SUPT16H: variants seen among roughly 807,000 people sequenced by gnomAD.
SUPT16H encodes FACT complex subunit SPT16.
In SUPT16H, 24 loss-of-function variants were observed where a neutral mutation model predicts 136.2. That is an observed-to-expected ratio of 0.18 (90% CI 0.13 to 0.25). The LOEUF is 0.25. SUPT16H is among the 10% of genes least tolerant of loss of function. SUPT16H has a pLI of 1.00. For missense variants in SUPT16H, 623 were observed against 1,270.2 expected (o/e 0.49, Z 7.74); for synonymous variants, 415 against 428.2 (o/e 0.97, Z 0.38).
intron 22 of SUPT16H, chr14:21,354,884 G>C (rs941894416): frequency 5.3e-6 from 1 of 190,328 alleles, no homozygotes; most frequent in Non-Finnish European, 1.1e-5. Flanking sequence ...GAGCCACCGC[G>C]CCCTGCCTGG....
At chr14:21,376,331 T>A (rs1886900770) in intron 1 of SUPT16H, among the ~76,000 whole-genome samples, 1 of 152,124 alleles carries the variant, frequency 6.6e-6, no homozygotes, top group Non-Finnish European at 1.5e-5. Context: ...CTTCAATAGC[T>A]CTATAAAGCC....
chr14:21,372,316 G>A (rs1333011824), intron 2 of SUPT16H: 2 of 385,588 alleles, frequency 5.2e-6, no homozygotes, highest in African/African-American at 2.1e-5. Context: ...TCAGTTAAAC[G>A]ATTTGTGTTT....
intron 3 of SUPT16H, among the ~76,000 whole-genome samples, chr14:21,370,797 G>A: frequency 7.1e-6 from 1 of 140,928 alleles, no homozygotes; most frequent in East Asian, 2.1e-4. Context: ...TTTTTTTTTT[G>A]AGACAGACTT....
intron 3 of SUPT16H, among the ~76,000 whole-genome samples, chr14:21,370,781 ATTT>A (rs113154650): frequency 1.4e-5 from 2 of 139,448 alleles, no homozygotes; most frequent in African/African-American, 5.3e-5. Flanking sequence ...GCCTGGATAA[ATTT>A]TTTTTTTTTT....
intron 10 of SUPT16H, among the ~76,000 whole-genome samples, chr14:21,363,867 C>T (rs532955239): frequency 1.3e-5 from 2 of 152,122 alleles, no homozygotes; most frequent in Admixed American, 6.5e-5. Flanking sequence ...TTAGTAGGGC[C>T]GGGGATTCAC....
chr14:21,363,643 T>C (rs1214083186), intron 10 of SUPT16H, 140 bp from the exon 11 acceptor site: 2 of 701,200 alleles, frequency 2.9e-6, no homozygotes, highest in Non-Finnish European at 4.7e-6. Flanking sequence ...TTTATCCTTC[T>C]AACCTCTAAC....
At chr14:21,359,346 T>G in intron 19 of SUPT16H, 138 bp downstream of exon 19, 1 of 1,215,612 alleles carries the variant, frequency 8.2e-7, no homozygotes, top group African/African-American at 1.5e-5. Context: ...TCTGCCCATG[T>G]TGGCCTCCCA....
chr14:21,364,489 T>C (rs965353701), intron 10 of SUPT16H, among the ~76,000 whole-genome samples: 6 of 152,202 alleles, frequency 3.9e-5, no homozygotes, highest in African/African-American at 4.8e-5. Context: ...AATCACTAAA[T>C]TGTACATATC....
chr14:21,369,985 T>C, intron 4 of SUPT16H, 89 bp from the exon 5 acceptor site: 1 of 1,454,372 alleles, frequency 6.9e-7, no homozygotes, highest in Non-Finnish European at 9.5e-7. Flanking sequence ...ACCAGTGATA[T>C]TTCTGTTATT....
chr14:21,378,816 T>C (rs1192081482), intron 1 of SUPT16H, among the ~76,000 whole-genome samples: 1 of 152,218 alleles, frequency 6.6e-6, no homozygotes, highest in East Asian at 1.9e-4. Context: ...TTAAGGCTTT[T>C]ATTAGAACTA....
chr14:21,357,902 C>A, intron 21 of SUPT16H, 25 bp downstream of exon 21: 1 of 1,604,692 alleles, frequency 6.2e-7, no homozygotes, highest in Non-Finnish European at 8.5e-7. Context: ...AATTTTCTTA[C>A]TAAAAGAAAG....
chr14:21,380,469 G>C (rs1886999991), intron 1 of SUPT16H, among the ~76,000 whole-genome samples: 2 of 151,896 alleles, frequency 1.3e-5, no homozygotes, highest in Admixed American at 6.6e-5. Context: ...GAACATAGCT[G>C]TTGAATCTTA....
chr14:21,363,126 C>T lies in SUPT16H; in HGVS notation c.1419G>A (p.Lys473=), dbSNP rs1224979843. ...RTRNEMTAEE[K]RRAHQKELAA... ...CTAGTTCTTTCTGATGTGCTCTTCG[C>T]TTCTCTTCTGCAGTCATTTCATTCT... Residue 473 remains lysine (K), a synonymous_variant, in exon 13 of 26, where the codon AAG becomes AAA. Transcript: ENST00000216297. 3.1e-6 allele frequency: 5 copies of T among 1,613,824 alleles called. No individual in the cohort carries two copies. The highest frequency in any genetic ancestry group is 2.2e-5 in the South Asian group (2 of 91,080).
intron 1 of SUPT16H, among the ~76,000 whole-genome samples, chr14:21,381,288 TA>T (rs138453670): frequency 0.021 from 3,179 of 152,252 alleles, 112 homozygotes; most frequent in African/African-American, 0.073. Flanking sequence ...AAATTATAAT[TA>T]AAAAATATTT....
rs1886794111 is a variant in SUPT16H, at chr14:21,371,949, C to T, written c.255G>A (p.Leu85=). Residue 85 remains leucine (L), a synonymous_variant, in exon 3 of 26, where the codon TTG becomes TTA. Transcript: ENST00000216297. ...TGCCCTTAGTGTTGGCAATCTGTTT[C>T]AAGAACTCCACTTTTTTCTTGCTGG... ...FMASKKKVEF[L]KQIANTKGNE... is the part of the protein sequence containing the mutation. 6.2e-7 allele frequency: 1 copy of T among 1,613,952 alleles called. No homozygotes were observed. The highest frequency in any genetic ancestry group is 8.5e-7 in the Non-Finnish European group (1 of 1,180,022).
chr14:21,352,729 C>T lies in SUPT16H; in HGVS notation c.3088G>A (p.Gly1030Ser). 1.2e-6 allele frequency: 2 copies of T among 1,614,058 alleles called. No individual in the cohort carries two copies. Among genetic ancestry groups the T allele is most frequent in the Non-Finnish European group, 1.7e-6 (2 of 1,180,010 alleles). The change falls in exon 26 of 26, where the codon GGC becomes AGC. Residue 1030 changes from glycine (G) to serine (S), a missense_variant. By Grantham distance (56) the Gly-to-Ser change is moderately conservative. This residue lies in a region of SUPT16H where 88 missense variants were observed against 135.5 expected (regional missense o/e 0.65). Transcript: ENST00000216297. ...CTGTGTCTGGAACCACGGTTAGAGC[C>T]ACGGCCCGAACTGTGCACAGATGCC... ...RKASVHSSGR[G>S]SNRGSRHSSA...
chr14:21,370,073 C>T (rs563769924), intron 4 of SUPT16H, among the ~76,000 whole-genome samples, 177 bp from the exon 5 acceptor site: 2 of 152,282 alleles, frequency 1.3e-5, no homozygotes, highest in South Asian at 4.1e-4. Flanking sequence ...TAGCTCTTTG[C>T]CAGGTCATTG....
In SUPT16H at chr14:21,356,291, T is replaced by C. The variant is rs149887806; in HGVS notation, c.2660+906A>G. ...TGCATAAAGAAGCACTGGAAAGCAG[T>C]AGGACAGACAACTCCCAATCTCACA... On this transcript the variant is annotated intron_variant, in intron 22 of 25. Transcript: ENST00000216297. 4.8e-3 allele frequency among the ~76,000 whole-genome samples: 733 copies of C among 152,306 alleles called. 12 individuals carry two copies. The highest frequency in any genetic ancestry group is 0.017 in the African/African-American group (694 of 41,542).
At chr14:21,354,619 T>C in intron 22 of SUPT16H, 79 bp from the exon 23 acceptor site, 1 of 1,535,468 alleles carries the variant, frequency 6.5e-7, no homozygotes, top group East Asian at 2.4e-5. Flanking sequence ...TGAGACAGAG[T>C]CTTGCTCTGT....
Sources: allele counts gnomAD v4.1 joint callset (sites outside exome capture counted in the v4.1 genomes callset), GRCh38; gene constraint gnomAD v4.1.1; regional missense constraint gnomAD v4.1.1; transcripts MANE v1.5; gene names NCBI Gene and HGNC (gene_info 2026-07-23, HGNC 2026-07-21).